The following UNC13B variants were observed in gnomAD, a reference collection of about 807,000 sequenced individuals.
UNC13B encodes the protein protein unc-13 homolog B.
UNC13B carries 144 observed loss-of-function variants against 211.0 expected under a neutral mutation model. That is an observed-to-expected ratio of 0.68 (90% CI 0.60 to 0.78). The LOEUF (loss-of-function observed/expected upper bound fraction) is 0.78, where lower values mean the gene tolerates loss of function less well. Among genes scored for constraint, UNC13B ranks in the 30% least tolerant of loss-of-function variants. UNC13B has a pLI of 0.00. For missense variants in UNC13B, 1,777 were observed against 2,002.0 expected, an observed-to-expected ratio of 0.89 and a Z score of 2.14; for synonymous variants, 709 against 725.8, an observed-to-expected ratio of 0.98 and a Z score of 0.37.
chr9:35,389,774 A>G (rs1835411985), intron 24 of UNC13B, 72 bp from the exon 25 acceptor site: 1 of 1,528,994 alleles, frequency 6.5e-7, no homozygotes, highest in African/African-American at 1.4e-5. Flanking sequence ...GAGAAAGAGG[A>G]TCGTTGGAGA....
At chr9:35,369,450 G>A (rs1833980993) in intron 12 of UNC13B, among the ~76,000 whole-genome samples, 2 of 152,158 alleles carry the variant, frequency 1.3e-5, no homozygotes, top group African/African-American at 4.8e-5. Flanking sequence ...AAGAACTGGA[G>A]TTAAAATCCA....
chr9:35,378,805 A>C (rs550034334), intron 17 of UNC13B, among the ~76,000 whole-genome samples: 1 of 152,136 alleles, frequency 6.6e-6, no homozygotes, highest in Non-Finnish European at 1.5e-5. Context: ...TTAGGCTCTC[A>C]TAAGGAAGGC....
chr9:35,352,913 G>C, intron 11 of UNC13B: 2 of 1,232,156 alleles, frequency 1.6e-6, no homozygotes, highest in East Asian at 6.3e-5. Context: ...ACCAGAAAAT[G>C]ACTGCCACGA....
At chr9:35,162,837 G>A (rs953685558) in intron 1 of UNC13B, among the ~76,000 whole-genome samples, 2 of 152,152 alleles carry the variant, frequency 1.3e-5, no homozygotes, top group Admixed American at 6.5e-5. Context: ...CACTTGGGAG[G>A]ATGTGGTGAC....
At chr9:35,360,171 T>C (rs1833315592) in intron 11 of UNC13B, among the ~76,000 whole-genome samples, 1 of 152,204 alleles carries the variant, frequency 6.6e-6, no homozygotes, top group Non-Finnish European at 1.5e-5. Context: ...TAACAACCAT[T>C]TTTTGGATTT....
At chr9:35,324,986 G>A (rs371937727) in intron 11 of UNC13B, among the ~76,000 whole-genome samples, 6 of 152,014 alleles carry the variant, frequency 3.9e-5, no homozygotes, top group Admixed American at 6.5e-5. Flanking sequence ...CCTGTTTTAC[G>A]TCCTGCATTT....
At chr9:35,382,815 C>T (rs1315795517) in intron 21 of UNC13B, among the ~76,000 whole-genome samples, 5 of 152,122 alleles carry the variant, frequency 3.3e-5, no homozygotes, top group Non-Finnish European at 7.4e-5. Flanking sequence ...CCACTCACCT[C>T]GGCCTCCCAA....
intron 7 of UNC13B, among the ~76,000 whole-genome samples, chr9:35,269,848 C>T (rs906614445): frequency 6.6e-6 from 1 of 152,116 alleles, no homozygotes; most frequent in African/African-American, 2.4e-5. Flanking sequence ...AAGAGCTTTC[C>T]TTCTTCGCAT....
At chr9:35,279,549 A>G (rs183288100) in intron 7 of UNC13B, among the ~76,000 whole-genome samples, 205 of 152,320 alleles carry the variant, frequency 1.3e-3, no homozygotes, top group African/African-American at 4.7e-3. Context: ...TCTTTTGGGT[A>G]TATACTAGGA....
At chr9:35,402,308 G>A (rs1393998889) in intron 37 of UNC13B, among the ~76,000 whole-genome samples, 1 of 146,956 alleles carries the variant, frequency 6.8e-6, no homozygotes, top group Non-Finnish European at 1.5e-5. Context: ...TTGAGACGGA[G>A]TCTCGCTCTG....
chr9:35,365,355 A>G (rs577313952), intron 11 of UNC13B, among the ~76,000 whole-genome samples: 7 of 152,312 alleles, frequency 4.6e-5, no homozygotes, highest in African/African-American at 1.7e-4. Context: ...TGTGTGTACT[A>G]TGTGTGCAGG....
At chr9:35,287,491 C>T (rs959074455) in intron 7 of UNC13B, among the ~76,000 whole-genome samples, 5 of 152,160 alleles carry the variant, frequency 3.3e-5, no homozygotes, top group Non-Finnish European at 7.4e-5. Flanking sequence ...GCCTCACTGA[C>T]GCTTTGGATT....
At chr9:35,296,077 A>C (rs1193619998) in intron 8 of UNC13B, 147 bp downstream of exon 8, 2 of 715,830 alleles carry the variant, frequency 2.8e-6, no homozygotes, top group Non-Finnish European at 4.6e-6. Flanking sequence ...TGTGTAGATT[A>C]TTAGTCTTTT....
intron 17 of UNC13B, among the ~76,000 whole-genome samples, chr9:35,380,112 A>G (rs944138958): frequency 6.6e-6 from 1 of 152,124 alleles, no homozygotes; most frequent in Non-Finnish European, 1.5e-5. Flanking sequence ...GGATGGAGCT[A>G]GCAGTTGCTT....
intron 1 of UNC13B, among the ~76,000 whole-genome samples, chr9:35,219,055 C>T (rs1276349600): frequency 1.3e-5 from 2 of 152,068 alleles, no homozygotes; most frequent in Non-Finnish European, 1.5e-5. Flanking sequence ...GGCCAGTGTT[C>T]GTGTTTATTT....
Position 35,310,746 on chromosome 9 carries a change from G to A in UNC13B, c.9288G>A (p.Val3096=). ...DATTHPPPDL[V]LQKDHFLGPQ... is the part of the protein sequence containing the mutation. ...CAACCCACCCTCCCCCAGATCTGGT[G>A]CTGCAAAAAGACCACTTCCTAGGTC... Residue 3096 remains valine (V), a synonymous_variant, in exon 10 of 40, where the codon GTG becomes GTA. Transcript: ENST00000635942. 6.2e-7 allele frequency: 1 copy of A among 1,613,932 alleles called. No individual in the cohort carries two copies. Among genetic ancestry groups the A allele is most frequent in the East Asian group, 2.2e-5 (1 of 44,852 alleles).
chr9:35,301,403 A>G lies in UNC13B; in HGVS notation c.1999A>G (p.Lys667Glu). The change falls in exon 9 of 40, where the codon AAG (lysine) becomes GAG (glutamate). Residue 667 changes from lysine (K) to glutamate (E), a missense_variant. Transcript: ENST00000635942. ...RLNPLKIFSE[K>E]EETKKDDDQS... The stretch of plus-strand genomic sequence containing the variant: ...AAATCCATTGAAGATCTTTTCAGAA[A>G]AGGAGGAAACAAAAAAAGATGATGA... The G allele has an allele frequency of 2.5e-6, 1 of 398,726 alleles. No individual in the cohort carries two copies. Among genetic ancestry groups the G allele is most frequent in the East Asian group, 3.6e-5 (1 of 28,068 alleles). 24.7% of individuals were successfully genotyped at this position (398,726 alleles called of 1,614,324 possible).
intron 15 of UNC13B, among the ~76,000 whole-genome samples, chr9:35,376,742 G>A (rs974844145): frequency 5.9e-5 from 9 of 152,208 alleles, no homozygotes; most frequent in African/African-American, 1.2e-4. Context: ...AATGAATCTG[G>A]TAGAGGTCCA....
At position 35,345,545 on chromosome 9, in the gene UNC13B, A is replaced by G. The variant is rs150309193; in HGVS notation, c.9415-21402A>G. On this transcript the variant is annotated intron_variant, in intron 11 of 39. Transcript: ENST00000635942. ...TCAGAAATCAAGGGTGGGAATTTTCACTAAAATGACCTGGCTGGATTCTTG... is the reference window on the plus strand; with the variant it reads ...TCAGAAATCAAGGGTGGGAATTTTCGCTAAAATGACCTGGCTGGATTCTTG... Among the ~76,000 whole-genome samples, 364 of 152,304 alleles carry G rather than the reference A, an allele frequency of 2.4e-3. 3 individuals are homozygous for G. The highest frequency in any genetic ancestry group is 0.017 in the Middle Eastern group (5 of 294).
Sources: allele counts gnomAD v4.1 joint callset (sites outside exome capture counted in the v4.1 genomes callset), GRCh38; gene constraint gnomAD v4.1.1; transcripts MANE v1.5; gene names NCBI Gene and HGNC (gene_info 2026-07-23, HGNC 2026-07-21).